ITGAM: variants seen among roughly 807,000 people sequenced by gnomAD.
ITGAM encodes the protein integrin alpha-M.
In ITGAM, 79 loss-of-function variants were observed where a neutral mutation model predicts 137.5. That is an observed-to-expected ratio of 0.57 (90% CI 0.48 to 0.69). The LOEUF (loss-of-function observed/expected upper bound fraction) is 0.69. ITGAM is among the 30% of genes least tolerant of loss of function. The pLI is 0.00. For missense variants in ITGAM, 1,343 were observed against 1,483.5 expected, an observed-to-expected ratio of 0.91 and a Z score of 1.56; for synonymous variants, 583 against 592.3, an observed-to-expected ratio of 0.98 and a Z score of 0.23.
At chr16:31,300,593 C>T (rs181011859) in intron 14 of ITGAM, among the ~76,000 whole-genome samples, 57 of 152,294 alleles carry the variant, frequency 3.7e-4, no homozygotes, top group South Asian at 2.7e-3. Flanking sequence ...AATGTCTCTT[C>T]AAGCCCTTAA....
chr16:31,331,881 G>A lies in ITGAM; in HGVS notation c.*174G>A, dbSNP rs897059575. 4 of 563,922 alleles carry A rather than the reference G, an allele frequency of 7.1e-6. No individual in the cohort carries two copies. Among genetic ancestry groups the A allele is most frequent in the Non-Finnish European group, 9.4e-6 (3 of 319,518 alleles). The allele number at this position is 563,922 out of a possible 1,614,324, so 34.9% of individuals were successfully genotyped here. A position where few individuals can be genotyped will look rare whatever the true frequency, so the allele number is the denominator to read the frequency against. ...TGTGCGTGTGTGCAAGTGTCTGTGT[G>A]CAAGTGTGTGCACATGTGTGCGTGT... is the stretch of plus-strand genomic sequence containing the variant. On this transcript the variant is annotated 3_prime_UTR_variant, in exon 30 of 30. Transcript: ENST00000544665.
At position 31,310,812 on chromosome 16, in the gene ITGAM, C is replaced by A. The variant is rs2144435463; in HGVS notation, c.1708-10429C>A. Among the ~76,000 whole-genome samples the A allele has an allele frequency of 2.6e-5, 4 of 152,100 alleles. No individual in the cohort carries two copies. In the Middle Eastern group the frequency reaches 0.01, roughly 388 times the overall value. On this transcript the variant is annotated intron_variant, in intron 14 of 29. Transcript: ENST00000544665. ...CCGGTTTTTCTGCTCTGTTTTTTCC[C>A]CATCTTTGTGGTTTTATCTACCTTT...
In ITGAM at chr16:31,270,699, GTATATATATATATATATA is replaced by G. The variant is rs869206231; in HGVS notation, c.428-227_428-210del. Among the ~76,000 whole-genome samples the G allele has an allele frequency of 7.8e-3, 202 of 26,012 alleles. 12 individuals carry two copies. Among genetic ancestry groups the G allele is most frequent in the South Asian group, 0.012 (5 of 414 alleles). 17.1% of individuals were successfully genotyped at this position (26,012 alleles called of 152,430 possible). A position where few individuals can be genotyped will look rare whatever the true frequency, so the allele number is the denominator to read the frequency against. On this transcript the variant is annotated intron_variant, in intron 5 of 29. Coordinates refer to ENST00000544665, the MANE Select transcript of ITGAM (RefSeq NM_000632.4). ...TGACTAATTTTTAACGTGTGTGTGT[GTATATATATATATATATA>G]TATATATATATATATATATATATAT...
In ITGAM at chr16:31,316,992, G is replaced by A. The variant is rs369639675; in HGVS notation, c.1708-4249G>A. On this transcript the variant is annotated intron_variant, in intron 14 of 29. Transcript: ENST00000544665. ...GTTTATTAAATTTGATAACTTTTTC[G>A]TAGAGTATTTATAACAAGTTTCTTA... is the stretch of plus-strand genomic sequence containing the variant. 1.5e-3 allele frequency among the ~76,000 whole-genome samples: 222 copies of A among 151,998 alleles called. 3 individuals are homozygous for A. The South Asian group carries it at 0.043, about 29-fold the overall frequency.
chr16:31,273,794 C>T (rs1310319705), intron 8 of ITGAM: 2 of 289,500 alleles, frequency 6.9e-6, no homozygotes, highest in African/African-American at 4.4e-5. Flanking sequence ...GGTTGGCAGG[C>T]TGCTCTGCTG....
chr16:31,324,366 G>A lies in ITGAM; in HGVS notation c.2003-33G>A. The stretch of plus-strand genomic sequence containing the variant: ...CCATCTGCCGGGTTCCGAGGCTCAG[G>A]CCCCTCACTGCTGTGCCACCCTGTC... On this transcript the variant is annotated intron_variant, in intron 16 of 29. Coordinates refer to ENST00000544665, the MANE Select transcript of ITGAM (RefSeq NM_000632.4). This position sits in a 1 kb window ranked among gnomAD's most constrained non-coding sequence, Gnocchi z 4.5. 1 of 1,544,164 alleles carries A rather than the reference G, an allele frequency of 6.5e-7. No homozygotes were observed. Among genetic ancestry groups the A allele is most frequent in the Non-Finnish European group, 8.8e-7 (1 of 1,140,706 alleles).
intron 2 of ITGAM, among the ~76,000 whole-genome samples, chr16:31,264,536 T>A (rs371583155): frequency 1.3e-5 from 2 of 151,978 alleles, no homozygotes; most frequent in African/African-American, 4.8e-5. Flanking sequence ...TCTAACACTT[T>A]GGGAGACTGA....
intron 5 of ITGAM, among the ~76,000 whole-genome samples, chr16:31,266,956 CTCCCAGGT>C (rs2079776430): frequency 6.6e-6 from 1 of 151,874 alleles, no homozygotes; most frequent in Non-Finnish European, 1.5e-5. Flanking sequence ...CAACCTCTGC[CTCCCAGGT>C]TCAAGCGATT....
chr16:31,268,233 CT>C (rs2079791675), intron 5 of ITGAM, among the ~76,000 whole-genome samples: 1 of 152,204 alleles, frequency 6.6e-6, no homozygotes, highest in African/African-American at 2.4e-5. Context: ...ACGTGTTCTT[CT>C]TTCCTGAAAT....
chr16:31,271,207 G>A (rs1457703179), intron 6 of ITGAM, 123 bp downstream of exon 6: 7 of 818,940 alleles, frequency 8.5e-6, no homozygotes, highest in Non-Finnish European at 1.2e-5. Context: ...ATCGATTATG[G>A]TTTGCCTTCC....
chr16:31,305,455 C>T (rs1403640173), intron 14 of ITGAM, among the ~76,000 whole-genome samples: 3 of 152,070 alleles, frequency 2.0e-5, no homozygotes, highest in Admixed American at 2.0e-4. Flanking sequence ...ATTTCTTTCT[C>T]TTGACTGATT....
rs754620342 is a variant in ITGAM, at chr16:31,321,358, G to A, written c.1825G>A (p.Val609Met). The A allele has an allele frequency of 1.3e-5, 21 of 1,613,908 alleles. No individual in the cohort carries two copies. Among genetic ancestry groups the A allele is most frequent in the East Asian group, 2.2e-5 (1 of 44,890 alleles). Residue 609 changes from valine (V) to methionine (M), a missense_variant, in exon 15 of 30, where the codon GTG becomes ATG. Val to Met is a conservative substitution (Grantham distance 21, BLOSUM62 1). Coordinates refer to ENST00000544665, the MANE Select transcript of ITGAM (RefSeq NM_000632.4). ...CCTGACTGTAGGAGCCCAGGGGCAC[G>A]TGCTGCTGCTCAGGTGAGAATGCCT... is the stretch of plus-strand genomic sequence containing the variant. Reference protein sequence around the residue: ...VDLTVGAQGHVLLLRSQPVLR... With the variant: ...VDLTVGAQGHMLLLRSQPVLR...
chr16:31,314,640 G>A (rs370285810), intron 14 of ITGAM, among the ~76,000 whole-genome samples: 1 of 152,062 alleles, frequency 6.6e-6, no homozygotes, highest in East Asian at 1.9e-4. Context: ...TAGCCTTGTA[G>A]TATAGTTTGA....
At chr16:31,261,124 A>G (rs962725663) in intron 1 of ITGAM, among the ~76,000 whole-genome samples, 5 of 151,956 alleles carry the variant, frequency 3.3e-5, no homozygotes, top group Non-Finnish European at 5.9e-5. Context: ...TGGGAGGCAG[A>G]CATCTGGATG....
At chr16:31,285,113 A>T (rs2080014632) in intron 12 of ITGAM, among the ~76,000 whole-genome samples, 1 of 152,102 alleles carries the variant, frequency 6.6e-6, no homozygotes, top group Admixed American at 6.6e-5. Context: ...TCGATTGAGC[A>T]AGCAGGAGGT....
chr16:31,308,997 T>C (rs1250482496), intron 14 of ITGAM, among the ~76,000 whole-genome samples: 5 of 122,252 alleles, frequency 4.1e-5, no homozygotes, highest in Non-Finnish European at 6.7e-5. Context: ...TCTAGTTTGA[T>C]TGCACTGTGG....
intron 14 of ITGAM, among the ~76,000 whole-genome samples, chr16:31,307,554 C>T (rs893294120): frequency 6.6e-5 from 10 of 152,224 alleles, no homozygotes; most frequent in South Asian, 2.1e-4. Flanking sequence ...TGGGCTGAGA[C>T]GATGGGGTTT....
At chr16:31,329,589 C>T (rs2080553700) in intron 24 of ITGAM, among the ~76,000 whole-genome samples, 1 of 152,020 alleles carries the variant, frequency 6.6e-6, no homozygotes, top group Non-Finnish European at 1.5e-5. Context: ...AGAACAAGCT[C>T]GAGGTCTCCC....
chr16:31,291,877 C>G (rs2080090605), intron 12 of ITGAM, among the ~76,000 whole-genome samples: 1 of 151,902 alleles, frequency 6.6e-6, no homozygotes. Context: ...TTTGGTAGCA[C>G]AGTAGGGTGA....
Sources: gnomAD v4.1 joint callset for allele counts (sites outside exome capture counted in the v4.1 genomes callset) on GRCh38, gnomAD v4.1.1 for gene constraint, Gnocchi (gnomAD v3.1) non-coding constraint, MANE v1.5 for transcripts, NCBI Gene and HGNC (gene_info 2026-07-23, HGNC 2026-07-21) for gene names.